INPP4B: variants seen among roughly 807,000 people sequenced by gnomAD.
INPP4B encodes the protein inositol polyphosphate-4-phosphatase type II B.
In INPP4B, 55 loss-of-function variants were observed where a neutral mutation model predicts 122.5. That is an observed-to-expected ratio of 0.45 (90% confidence interval 0.36 to 0.56). INPP4B has a LOEUF of 0.56. Ranked by LOEUF, INPP4B falls within the 20% of genes least tolerant of loss-of-function variation. The probability of loss-of-function intolerance (pLI) is 0.00; values close to 1 mark genes in which losing one functional copy is unlikely to be tolerated. For missense variants in INPP4B, 1,000 were observed against 1,097.7 expected (o/e 0.91, Z 1.26); for synonymous variants, 403 against 388.7 (o/e 1.04, Z -0.43).
chr4:142,249,332 G>A (rs951952053), intron 11 of INPP4B, among the ~76,000 whole-genome samples: 1 of 151,970 alleles, frequency 6.6e-6, no homozygotes, highest in Non-Finnish European at 1.5e-5. Context: ...GAGGGTCTAT[G>A]GGCTGAAGTA....
chr4:142,833,603 G>GA (rs35284929), intron 1 of INPP4B, among the ~76,000 whole-genome samples: 3 of 150,050 alleles, frequency 2.0e-5, no homozygotes, highest in Non-Finnish European at 4.4e-5. Context: ...AATATATGGA[G>GA]AAAAAAAAGA....
At chr4:142,258,744 A>C (rs1233370132) in intron 11 of INPP4B, among the ~76,000 whole-genome samples, 1 of 152,220 alleles carries the variant, frequency 6.6e-6, no homozygotes, top group Non-Finnish European at 1.5e-5. Context: ...GAACACTTTT[A>C]CACTGTTGGT....
intron 12 of INPP4B, among the ~76,000 whole-genome samples, chr4:142,216,472 C>T (rs932391866): frequency 1.4e-4 from 21 of 152,222 alleles, no homozygotes; most frequent in African/African-American, 5.1e-4. Flanking sequence ...CATATAATTG[C>T]TAATGTCTAT....
At chr4:142,511,738 T>C (rs1450912428) in intron 2 of INPP4B, among the ~76,000 whole-genome samples, 1 of 152,136 alleles carries the variant, frequency 6.6e-6, no homozygotes, top group Non-Finnish European at 1.5e-5. Context: ...GCAACCATTT[T>C]GAGAACCAAT....
chr4:142,048,166 A>C (rs1032971504), intron 25 of INPP4B, among the ~76,000 whole-genome samples: 1 of 152,090 alleles, frequency 6.6e-6, no homozygotes, highest in African/African-American at 2.4e-5. Flanking sequence ...CACTGGTAAC[A>C]TGAAGTAGAG....
chr4:142,117,695 C>T (rs1310076280), intron 21 of INPP4B, among the ~76,000 whole-genome samples: 1 of 152,140 alleles, frequency 6.6e-6, no homozygotes, highest in Non-Finnish European at 1.5e-5. Context: ...GACAAACCCA[C>T]AGCCAATATC....
At chr4:142,604,379 C>G (rs1003504070) in intron 2 of INPP4B, among the ~76,000 whole-genome samples, 1 of 151,794 alleles carries the variant, frequency 6.6e-6, no homozygotes, top group African/African-American at 2.4e-5. Flanking sequence ...TCTAGCAGAG[C>G]AATCAGGCAA....
At chr4:142,217,097 T>C (rs1218230180) in intron 12 of INPP4B, among the ~76,000 whole-genome samples, 1 of 152,156 alleles carries the variant, frequency 6.6e-6, no homozygotes, top group Admixed American at 6.6e-5. Context: ...TTAATTTACA[T>C]TGGAATTCTG....
rs907389881 is a variant in INPP4B at position 142,527,852 on chromosome 4, CT to C, written c.-190-65127del. Among the ~76,000 whole-genome samples the C allele has an allele frequency of 1.2e-4, 18 of 150,462 alleles. 1 individual carries two copies. Among genetic ancestry groups the C allele is most frequent in the African/African-American group, 2.7e-4 (11 of 41,056 alleles). On this transcript the variant is annotated intron_variant, in intron 2 of 25. Transcript: ENST00000262992. ...TTTGTCTTAAAATTTTCCTCTTTTCCTTTTTTTTTAAACTGTGTTAACGTGT... is the reference window on the plus strand; with the variant it reads ...TTTGTCTTAAAATTTTCCTCTTTTCCTTTTTTTTAAACTGTGTTAACGTGT...
At chr4:142,475,201 G>A (rs190024110) in intron 2 of INPP4B, among the ~76,000 whole-genome samples, 2 of 152,104 alleles carry the variant, frequency 1.3e-5, no homozygotes, top group South Asian at 4.1e-4. Context: ...AGACCCAGGA[G>A]TAGAATAGAA....
At chr4:142,530,279 C>T (rs891527051) in intron 2 of INPP4B, among the ~76,000 whole-genome samples, 6 of 151,984 alleles carry the variant, frequency 3.9e-5, no homozygotes, top group Non-Finnish European at 7.4e-5. Context: ...ATTCCTTCTG[C>T]AAGCCCTAGG....
At chr4:142,438,241 C>T (rs7687147) in intron 3 of INPP4B, among the ~76,000 whole-genome samples, 100,447 of 151,996 alleles carry the variant, frequency 0.66, 36,330 homozygotes, top group Non-Finnish European at 0.83. Flanking sequence ...GCCTGTATAA[C>T]AAATATAATC....
At chr4:142,672,887 G>C (rs1757203056) in intron 2 of INPP4B, among the ~76,000 whole-genome samples, 1 of 152,110 alleles carries the variant, frequency 6.6e-6, no homozygotes, top group Non-Finnish European at 1.5e-5. Flanking sequence ...GGTTTATGAT[G>C]TATACTGAGT....
chr4:142,436,359 G>A (rs1220520772), intron 3 of INPP4B, among the ~76,000 whole-genome samples: 1 of 152,182 alleles, frequency 6.6e-6, no homozygotes, highest in Non-Finnish European at 1.5e-5. Context: ...CAGCCCAGAA[G>A]AGCAGGTTTC....
chr4:142,506,156 C>T (rs994960606), intron 2 of INPP4B, among the ~76,000 whole-genome samples: 11 of 151,964 alleles, frequency 7.2e-5, no homozygotes, highest in Admixed American at 2.0e-4. Flanking sequence ...ATACAAGTGT[C>T]CCACAAACAA....
chr4:142,553,894 C>T (rs1484286330), intron 2 of INPP4B, among the ~76,000 whole-genome samples: 1 of 152,104 alleles, frequency 6.6e-6, no homozygotes, highest in African/African-American at 2.4e-5. Flanking sequence ...ATTCCACTAG[C>T]TAAACAGCCA....
At chr4:142,502,027 T>TA (rs1823447057) in intron 2 of INPP4B, among the ~76,000 whole-genome samples, 2 of 152,276 alleles carry the variant, frequency 1.3e-5, no homozygotes, top group East Asian at 3.9e-4. Context: ...AGTGATTTGA[T>TA]AAGCAAGAAG....
chr4:142,297,648 C>T (rs1210795606), intron 9 of INPP4B, among the ~76,000 whole-genome samples: 1 of 152,218 alleles, frequency 6.6e-6, no homozygotes, highest in South Asian at 2.1e-4. Context: ...TGGTGTCATG[C>T]TTCCTATACA....
At chr4:142,360,621 G>A (rs1391444391) in intron 7 of INPP4B, among the ~76,000 whole-genome samples, 2 of 151,886 alleles carry the variant, frequency 1.3e-5, no homozygotes, top group African/African-American at 4.8e-5. Context: ...TCATTTCAGG[G>A]AGAGTGTAAT....
Sources: allele counts gnomAD v4.1 joint callset (sites outside exome capture counted in the v4.1 genomes callset), GRCh38; gene constraint gnomAD v4.1.1; transcripts MANE v1.5; gene names NCBI Gene and HGNC (gene_info 2026-07-23, HGNC 2026-07-21).